The following DGKB variants were observed in gnomAD, a reference collection of about 807,000 sequenced individuals.
The protein encoded by DGKB is diacylglycerol kinase beta.
Under a neutral mutation model 114.3 loss-of-function variants are expected in DGKB, and 67 were observed. That is an observed-to-expected ratio of 0.59 (90% CI 0.48 to 0.72). The LOEUF (loss-of-function observed/expected upper bound fraction) is 0.72. Ranked by LOEUF, DGKB falls within the 30% of genes least tolerant of loss-of-function variation. The pLI, the probability that DGKB is intolerant of heterozygous loss-of-function variation, is 0.00. For synonymous variants in DGKB, 398 were observed against 323.1 expected (o/e 1.23, Z -2.49); for missense variants, 907 against 975.2 (o/e 0.93, Z 0.93).
At chr7:14,943,178 C>A (rs10264561) in intron 1 of DGKB, among the ~76,000 whole-genome samples, 220 of 151,714 alleles carry the variant, frequency 1.5e-3, no homozygotes, top group African/African-American at 5.0e-3. Context: ...TATATTTAAA[C>A]CTGTCTATCT....
chr7:14,605,724 C>T (rs1417348103), intron 17 of DGKB, among the ~76,000 whole-genome samples: 1 of 151,892 alleles, frequency 6.6e-6, no homozygotes, highest in South Asian at 2.1e-4. Context: ...GGGCTAAAAT[C>T]AAATTTATTC....
At chr7:14,355,723 T>C (rs866994470) in intron 21 of DGKB, among the ~76,000 whole-genome samples, 11 of 152,290 alleles carry the variant, frequency 7.2e-5, no homozygotes, top group Middle Eastern at 3.4e-3. Context: ...ATCAGGGATA[T>C]TGGTCTAAAA....
At chr7:14,799,254 T>C (rs1586591065) in intron 2 of DGKB, among the ~76,000 whole-genome samples, 1 of 152,210 alleles carries the variant, frequency 6.6e-6, no homozygotes, top group Admixed American at 6.5e-5. Context: ...CAGAAGCTGT[T>C]TGCATTTAGC....
intron 5 of DGKB, among the ~76,000 whole-genome samples, chr7:14,735,558 G>C (rs1335292281): frequency 6.6e-6 from 1 of 152,116 alleles, no homozygotes; most frequent in Non-Finnish European, 1.5e-5. Flanking sequence ...CCCATAATGA[G>C]AGAATCACCA....
intron 12 of DGKB, among the ~76,000 whole-genome samples, chr7:14,675,068 T>C (rs2128953676): frequency 6.6e-6 from 1 of 152,278 alleles, no homozygotes; most frequent in East Asian, 1.9e-4. Context: ...GGCTCTTTAA[T>C]CTTGGGCAAC....
intron 21 of DGKB, among the ~76,000 whole-genome samples, chr7:14,347,219 A>C (rs1812629785): frequency 6.6e-6 from 1 of 151,922 alleles, no homozygotes; most frequent in South Asian, 2.1e-4. Context: ...TCTTCCCTAC[A>C]CTGTCTCAAA....
intron 20 of DGKB, among the ~76,000 whole-genome samples, chr7:14,492,447 T>C (rs532441509): frequency 1.3e-5 from 2 of 152,196 alleles, no homozygotes; most frequent in South Asian, 4.1e-4. Context: ...TGCTCATGTT[T>C]TTCCAACCTA....
At chr7:14,352,521 A>G (rs1813667498) in intron 21 of DGKB, among the ~76,000 whole-genome samples, 1 of 152,212 alleles carries the variant, frequency 6.6e-6, no homozygotes, top group Non-Finnish European at 1.5e-5. Context: ...ACGTACACAA[A>G]GTAAGTCCCT....
intron 1 of DGKB, among the ~76,000 whole-genome samples, chr7:14,971,856 G>A (rs1299185523): frequency 6.6e-6 from 1 of 151,296 alleles, no homozygotes; most frequent in Non-Finnish European, 1.5e-5. Flanking sequence ...TCAGCCTCCG[G>A]GGTTCAAGTG....
intron 21 of DGKB, among the ~76,000 whole-genome samples, chr7:14,475,067 G>A (rs777480179): frequency 1.1e-4 from 16 of 152,048 alleles, no homozygotes; most frequent in Non-Finnish European, 2.9e-5. Context: ...ATAGAGAACA[G>A]AACTATATAT....
intron 1 of DGKB, chr7:14,974,610 T>A (rs1014378749): frequency 1.3e-5 from 2 of 152,076 alleles, no homozygotes; most frequent in East Asian, 1.9e-4. Flanking sequence ...ATCAAATAGA[T>A]CCTTATGTTA....
At chr7:14,244,857 G>A (rs1462187843) in intron 23 of DGKB, among the ~76,000 whole-genome samples, 3 of 151,678 alleles carry the variant, frequency 2.0e-5, no homozygotes, top group African/African-American at 7.3e-5. Context: ...CAAATATATT[G>A]GACTTTCTAG....
chr7:14,959,021 A>G (rs1213855092), intron 1 of DGKB, among the ~76,000 whole-genome samples: 1 of 152,058 alleles, frequency 6.6e-6, no homozygotes, highest in Admixed American at 6.6e-5. Flanking sequence ...AAGAATCATG[A>G]CTGATATTGA....
intron 21 of DGKB, among the ~76,000 whole-genome samples, chr7:14,403,004 A>G (rs1385395642): frequency 6.6e-6 from 1 of 151,890 alleles, no homozygotes; most frequent in Non-Finnish European, 1.5e-5. Context: ...CAATAGCATG[A>G]TCCAATTCCT....
chr7:14,785,496 C>A (rs142161281), intron 2 of DGKB, among the ~76,000 whole-genome samples: 1 of 151,990 alleles, frequency 6.6e-6, no homozygotes, highest in African/African-American at 2.4e-5. Flanking sequence ...AAACCTCAAA[C>A]GTCATGACTA....
chr7:14,504,851 T>C (rs1243738854), intron 20 of DGKB, among the ~76,000 whole-genome samples: 1 of 152,210 alleles, frequency 6.6e-6, no homozygotes, highest in East Asian at 1.9e-4. Flanking sequence ...TGCCACTAAA[T>C]ACTAGATGAT....
At chr7:14,543,888 T>C (rs1236572762) in intron 20 of DGKB, among the ~76,000 whole-genome samples, 1 of 152,142 alleles carries the variant, frequency 6.6e-6, no homozygotes, top group Non-Finnish European at 1.5e-5. Context: ...TAATATAATA[T>C]AACAAGGGAC....
At chr7:14,466,939 G>A (rs930484073) in intron 21 of DGKB, among the ~76,000 whole-genome samples, 4 of 152,092 alleles carry the variant, frequency 2.6e-5, no homozygotes, top group African/African-American at 9.7e-5. Context: ...CCTATCTAGG[G>A]AGTGATGTGG....
intron 17 of DGKB, among the ~76,000 whole-genome samples, chr7:14,586,252 T>C (rs1800743090): frequency 1.3e-5 from 2 of 152,128 alleles, no homozygotes; most frequent in Non-Finnish European, 2.9e-5. Flanking sequence ...AACAGCCTTA[T>C]TGCTGATAGG....
Sources: allele counts gnomAD v4.1 joint callset (sites outside exome capture counted in the v4.1 genomes callset), GRCh38; gene constraint gnomAD v4.1.1; transcripts MANE v1.5; gene names NCBI Gene and HGNC (gene_info 2026-07-23, HGNC 2026-07-21).